The following NOSTRIN variants were observed in gnomAD, a reference collection of about 807,000 sequenced individuals.
NOSTRIN encodes the protein BM247 homolog.
Under a neutral mutation model 59.0 loss-of-function variants are expected in NOSTRIN, and 63 were observed. The ratio of observed to expected loss-of-function variants is 1.07; its 90% CI spans 0.87 to 1.32. The LOEUF (loss-of-function observed/expected upper bound fraction) is 1.32, where lower values mean the gene tolerates loss of function less well. Ranked by LOEUF, NOSTRIN falls within the 40% of genes most tolerant of loss-of-function variation. The pLI is 0.00. For synonymous variants in NOSTRIN, 200 were observed against 165.4 expected (o/e 1.21, Z -1.61); for missense variants, 512 against 473.1 (o/e 1.08, Z -0.76).
intron 2 of NOSTRIN, among the ~76,000 whole-genome samples, chr2:168,822,520 A>G (rs577085074): frequency 1.3e-5 from 2 of 152,382 alleles, no homozygotes; most frequent in Non-Finnish European, 2.9e-5. Context: ...ATGAAATAAC[A>G]TAATAAATAA....
intron 15 of NOSTRIN, among the ~76,000 whole-genome samples, chr2:168,864,054 G>A (rs547803472): frequency 2.0e-5 from 3 of 152,072 alleles, no homozygotes; most frequent in South Asian, 4.2e-4. Context: ...TGCAACCTCC[G>A]TCTCCTGGAT....
chr2:168,834,455 A>G (rs1211891712), intron 7 of NOSTRIN, 130 bp downstream of exon 7: 1 of 611,532 alleles, frequency 1.6e-6, no homozygotes, highest in Non-Finnish European at 2.9e-6. Context: ...GTAGCTTGAC[A>G]GAGCATAAAA....
intron 8 of NOSTRIN, among the ~76,000 whole-genome samples, chr2:168,849,989 C>G (rs1209886164): frequency 2.0e-5 from 3 of 149,722 alleles, no homozygotes; most frequent in Non-Finnish European, 3.0e-5. Context: ...GATCTCGGCT[C>G]ACTGCAAACT....
At chr2:168,835,178 A>G (rs1164650093) in intron 7 of NOSTRIN, among the ~76,000 whole-genome samples, 1 of 151,832 alleles carries the variant, frequency 6.6e-6, no homozygotes, top group Admixed American at 6.6e-5. Flanking sequence ...GGCTTCAAGC[A>G]ATTATCCCAC....
At chr2:168,795,142 T>A (rs1194691046), upstream of NOSTRIN, among the ~76,000 whole-genome samples, 1 of 152,214 alleles carries the variant, frequency 6.6e-6, no homozygotes, top group Admixed American at 6.5e-5. Flanking sequence ...TTATAAAGTG[T>A]AGAGGGGACC....
intron 7 of NOSTRIN, among the ~76,000 whole-genome samples, chr2:168,837,264 T>C (rs1687780032): frequency 6.9e-6 from 1 of 145,830 alleles, no homozygotes; most frequent in Admixed American, 6.8e-5. Flanking sequence ...CTTTTTACAA[T>C]ACATCTTTTT....
At chr2:168,823,870 C>T (rs1559114845) in intron 2 of NOSTRIN, among the ~76,000 whole-genome samples, 1 of 152,128 alleles carries the variant, frequency 6.6e-6, no homozygotes. Context: ...TGAGGTCAGG[C>T]GTTTGAGACC....
chr2:168,835,060 C>T (rs112576886), intron 7 of NOSTRIN, among the ~76,000 whole-genome samples: 1 of 151,956 alleles, frequency 6.6e-6, no homozygotes, highest in East Asian at 1.9e-4. Flanking sequence ...ATGCATATTT[C>T]GAATAGTCTT....
In NOSTRIN at chr2:168,811,666, G is replaced by A. The variant is rs1186344106; in HGVS notation, c.113+14G>A. The stretch of plus-strand genomic sequence containing the variant: ...TCTTCAGCAAAGGTACAAAATGCAC[G>A]TTTGCAATAAATGGTTCTTCCTCTT... On this transcript the variant is annotated intron_variant, in intron 2 of 15. Transcript: ENST00000317647. 1.2e-5 allele frequency: 10 copies of A among 835,186 alleles called. No homozygotes were observed. The highest frequency in any genetic ancestry group is 1.2e-4 in the African/African-American group (7 of 59,130). The allele number at this position is 835,186 out of a possible 1,614,324, so 51.7% of individuals were successfully genotyped here.
At chr2:168,841,859 G>A (rs1246437305) in intron 7 of NOSTRIN, among the ~76,000 whole-genome samples, 6 of 152,176 alleles carry the variant, frequency 3.9e-5, no homozygotes, top group African/African-American at 1.4e-4. Flanking sequence ...TTATGCTTAG[G>A]TTTAACAAAA....
chr2:168,851,321 GA>G lies in NOSTRIN; in HGVS notation c.777del (p.Asp260IlefsTer5). 8.1e-6 allele frequency: 13 copies of G among 1,613,608 alleles called. No homozygotes were observed. The highest frequency in any genetic ancestry group is 1.1e-5 in the Non-Finnish European group (13 of 1,179,934). On this transcript the variant is annotated frameshift_variant, in exon 10 of 16. Coordinates refer to ENST00000317647, the MANE Select transcript of NOSTRIN (RefSeq NM_001039724.4). LOFTEE classifies it high-confidence loss of function. ...CTGTGCCATCAGCAAGATTGACATT[GA>G]AAAAGATATCCAGGCTGTAATGGAA... is the stretch of plus-strand genomic sequence containing the variant. ...IHCAISKIDIEKDIQAVMEET... is the reference protein window; with the variant it reads ...IHCAISKIDIXKDIQAVMEET...
chr2:168,833,363 T>C (rs1194169144), intron 6 of NOSTRIN, among the ~76,000 whole-genome samples: 1 of 152,186 alleles, frequency 6.6e-6, no homozygotes, highest in East Asian at 1.9e-4. Context: ...TTCCCACGTT[T>C]AGAGGGAGGC....
intron 12 of NOSTRIN, 65 bp downstream of exon 12, chr2:168,856,843 T>C: frequency 6.7e-7 from 1 of 1,484,282 alleles, no homozygotes; most frequent in Non-Finnish European, 9.4e-7. Flanking sequence ...AGAATACTTG[T>C]TTCTGGTCCA....
chr2:168,857,800 T>C (rs1033251115), intron 12 of NOSTRIN, among the ~76,000 whole-genome samples: 3 of 152,206 alleles, frequency 2.0e-5, no homozygotes, highest in Non-Finnish European at 2.9e-5. Flanking sequence ...CTAACTTTCT[T>C]GTGAAGGTAG....
At chr2:168,833,571 A>C (rs1046852600) in intron 6 of NOSTRIN, among the ~76,000 whole-genome samples, 5 of 152,206 alleles carry the variant, frequency 3.3e-5, no homozygotes, top group African/African-American at 1.2e-4. Flanking sequence ...TCTTCAGTTA[A>C]ATTCAACCAT....
chr2:168,811,145 G>C (rs1296177217), intron 1 of NOSTRIN, among the ~76,000 whole-genome samples: 3 of 152,072 alleles, frequency 2.0e-5, no homozygotes, highest in Non-Finnish European at 4.4e-5. Flanking sequence ...TCACTCTAAT[G>C]GCTCATGGTT....
chr2:168,862,310 ATTCCCAT>A (rs1433556390), intron 15 of NOSTRIN, among the ~76,000 whole-genome samples: 5 of 152,194 alleles, frequency 3.3e-5, no homozygotes, highest in Admixed American at 1.3e-4. Context: ...TTTTATTGGT[ATTCCCAT>A]TTCATAGCAG....
At chr2:168,812,728 C>G (rs1349603780) in intron 2 of NOSTRIN, among the ~76,000 whole-genome samples, 1 of 152,110 alleles carries the variant, frequency 6.6e-6, no homozygotes, top group Non-Finnish European at 1.5e-5. Context: ...GCTCCTAGAT[C>G]CTCTGGCACC....
chr2:168,861,938 A>C, intron 14 of NOSTRIN, 22 bp from the exon 15 acceptor site: 1 of 1,611,296 alleles, frequency 6.2e-7, no homozygotes, highest in East Asian at 2.2e-5. Context: ...CAGCATACTA[A>C]TTACAGCTTT....
Sources: gnomAD v4.1 joint callset for allele counts (sites outside exome capture counted in the v4.1 genomes callset) on GRCh38, gnomAD v4.1.1 for gene constraint, MANE v1.5 for transcripts, NCBI Gene and HGNC (gene_info 2026-07-23, HGNC 2026-07-21) for gene names.